The following PUDP variants were observed in gnomAD, a reference collection of about 807,000 sequenced individuals.
PUDP encodes pseudouridine 5'-phosphatase, also known as pseudouridine-5'-phosphatase.
Under a neutral mutation model 9.4 loss-of-function variants are expected in PUDP, and 8 were observed. The ratio of observed to expected loss-of-function variants is 0.85; its 90% CI spans 0.50 to 1.53. The LOEUF (loss-of-function observed/expected upper bound fraction) is 1.53, where lower values mean the gene tolerates loss of function less well. Ranked by LOEUF, PUDP falls within the 40% of genes most tolerant of loss-of-function variation. The probability of loss-of-function intolerance (pLI) is 0.00; values close to 1 mark genes in which losing one functional copy is unlikely to be tolerated. For missense variants in PUDP, 188 were observed against 189.7 expected (o/e 0.99, Z 0.05); for synonymous variants, 99 against 80.7 (o/e 1.23, Z -1.22).
chrX:6,707,731 T>C (rs759571932), intron 1 of PUDP, among the ~76,000 whole-genome samples: 21 of 111,689 alleles, frequency 1.9e-4, no homozygotes, highest in Non-Finnish European at 2.6e-4. Context: ...CCGCCACTCA[T>C]CTCCTGCTGT....
At chrX:6,976,301 T>G (rs1928954980) in intron 3 of PUDP, among the ~76,000 whole-genome samples, 1 of 111,753 alleles carries the variant, frequency 8.9e-6, no homozygotes. Context: ...CTGCCCAGTT[T>G]TGTGCTTGAA....
At chrX:7,090,560 A>C (rs780468888) in intron 2 of PUDP, among the ~76,000 whole-genome samples, 1 of 112,284 alleles carries the variant, frequency 8.9e-6, no homozygotes, top group South Asian at 3.7e-4. Flanking sequence ...TAGGCTGTGC[A>C]TGGTACAAAG....
intron 1 of PUDP, among the ~76,000 whole-genome samples, chrX:7,001,646 G>A (rs1263147908): frequency 9.0e-6 from 1 of 111,361 alleles, no homozygotes; most frequent in Non-Finnish European, 1.9e-5. Context: ...GAAAAGAATC[G>A]AGATCAGAGA....
At chrX:6,952,348 A>G (rs962548931) in intron 3 of PUDP, among the ~76,000 whole-genome samples, 1 of 112,074 alleles carries the variant, frequency 8.9e-6, no homozygotes, top group African/African-American at 3.2e-5. Flanking sequence ...GCTTCCCCTA[A>G]TGTTAACATC....
chrX:6,729,345 C>T (rs1016058269), intron 3 of PUDP, among the ~76,000 whole-genome samples: 1 of 111,685 alleles, frequency 9.0e-6, no homozygotes, highest in Admixed American at 9.5e-5. Flanking sequence ...TGAGTTGTCC[C>T]GTCTTTCCGG....
intron 3 of PUDP, among the ~76,000 whole-genome samples, chrX:6,775,526 C>T (rs1017127228): frequency 1.8e-5 from 2 of 110,519 alleles, no homozygotes; most frequent in African/African-American, 6.6e-5. Context: ...CACACACACA[C>T]ATATATGTAT....
chrX:7,101,102 G>T (rs140021282), intron 2 of PUDP, among the ~76,000 whole-genome samples: 1,930 of 111,912 alleles, frequency 0.017, 21 homozygotes, highest in Admixed American at 0.039. Flanking sequence ...TCTTCTGCAT[G>T]CTCTGCTCTG....
At chrX:6,943,587 AAATAC>A (rs1928425863) in intron 3 of PUDP, among the ~76,000 whole-genome samples, 1 of 112,196 alleles carries the variant, frequency 8.9e-6, no homozygotes, top group African/African-American at 3.2e-5. Context: ...TATTTACCCT[AAATAC>A]AAGACATTTA....
At chrX:6,878,808 G>A (rs748223250) in intron 3 of PUDP, among the ~76,000 whole-genome samples, 1 of 112,356 alleles carries the variant, frequency 8.9e-6, no homozygotes, top group East Asian at 2.8e-4. Context: ...GTTGGGTACA[G>A]ACAACAGTGT....
At chrX:7,027,677 C>A (rs1334205457) in intron 1 of PUDP, among the ~76,000 whole-genome samples, 1 of 96,007 alleles carries the variant, frequency 1.0e-5, no homozygotes, top group Non-Finnish European at 2.0e-5. Context: ...TAGAATATAT[C>A]CTATATATTT....
intron 3 of PUDP, among the ~76,000 whole-genome samples, chrX:6,914,344 C>T (rs1364634841): frequency 1.8e-5 from 2 of 111,099 alleles, no homozygotes; most frequent in East Asian, 2.8e-4. Flanking sequence ...TGATTAATTT[C>T]CCTTGTCCAC....
intron 3 of PUDP, among the ~76,000 whole-genome samples, chrX:6,962,944 G>T (rs760834955): frequency 8.9e-6 from 1 of 112,695 alleles, no homozygotes; most frequent in African/African-American, 3.2e-5. Flanking sequence ...TCTCTAATCG[G>T]CAGATGAAGC....
chrX:6,978,812 A>G (rs1320037789), intron 1 of PUDP, among the ~76,000 whole-genome samples: 2 of 112,022 alleles, frequency 1.8e-5, no homozygotes, highest in Non-Finnish European at 3.8e-5. Context: ...GTATTCTACA[A>G]TCTTGCTTTC....
chrX:7,055,883 C>T (rs1295310766), intron 3 of PUDP, among the ~76,000 whole-genome samples: 1 of 112,004 alleles, frequency 8.9e-6, no homozygotes, highest in African/African-American at 3.2e-5. Context: ...AATATCTCAA[C>T]ACAGTTTCCG....
intron 3 of PUDP, among the ~76,000 whole-genome samples, chrX:6,817,947 T>C (rs1740309164): frequency 8.9e-6 from 1 of 112,075 alleles, no homozygotes; most frequent in African/African-American, 3.2e-5. Context: ...TTTAGGATAT[T>C]TTCCACATAA....
intron 3 of PUDP, among the ~76,000 whole-genome samples, chrX:6,934,621 C>G (rs1369910307): frequency 2.8e-5 from 3 of 106,592 alleles, no homozygotes; most frequent in Non-Finnish European, 3.9e-5. Flanking sequence ...GGATCAAATT[C>G]ACACATAACA....
intron 1 of PUDP, among the ~76,000 whole-genome samples, chrX:7,009,720 T>C (rs1241772682): frequency 2.7e-5 from 3 of 111,049 alleles, no homozygotes; most frequent in South Asian, 7.6e-4. Flanking sequence ...TTGGGGTAAA[T>C]AGTGAACACA....
chrX:6,863,373 G>C (rs1406843121), intron 3 of PUDP, among the ~76,000 whole-genome samples: 1 of 112,584 alleles, frequency 8.9e-6, no homozygotes, highest in Non-Finnish European at 1.9e-5. Flanking sequence ...GTAGAAAAGA[G>C]AGCTTTACTG....
chrX:6,736,216 A>T (rs751981991), intron 3 of PUDP, among the ~76,000 whole-genome samples: 2 of 111,811 alleles, frequency 1.8e-5, no homozygotes, highest in South Asian at 7.5e-4. Context: ...ATAAGAAAAA[A>T]TTTAAACTCG....
Sources: gnomAD v4.1 joint callset for allele counts (sites outside exome capture counted in the v4.1 genomes callset) on GRCh38, gnomAD v4.1.1 for gene constraint, MANE v1.5 for transcripts, NCBI Gene and HGNC (gene_info 2026-07-23, HGNC 2026-07-21) for gene names.